The following ADAMTSL3 variants were observed in gnomAD, a reference collection of about 807,000 sequenced individuals.
ADAMTSL3 encodes ADAMTS-like protein 3.
Under a neutral mutation model 201.7 loss-of-function variants are expected in ADAMTSL3, and 128 were observed. The observed-to-expected ratio is 0.63, with a 90% CI of 0.55 to 0.73. The LOEUF (loss-of-function observed/expected upper bound fraction) is 0.73. ADAMTSL3 is among the 30% of genes least tolerant of loss of function. The pLI is 0.00. For synonymous variants in ADAMTSL3, 738 were observed against 748.4 expected (o/e 0.99, Z 0.23); for missense variants, 1,990 against 2,119.6 (o/e 0.94, Z 1.20).
chr15:83,716,266 G>T (rs930216582), intron 3 of ADAMTSL3, among the ~76,000 whole-genome samples: 4 of 152,150 alleles, frequency 2.6e-5, no homozygotes, highest in Admixed American at 1.3e-4. Flanking sequence ...ACTTTGGGAG[G>T]CCAAGGTGGG....
intron 6 of ADAMTSL3, among the ~76,000 whole-genome samples, chr15:83,821,219 C>G (rs1442531283): frequency 1.3e-5 from 2 of 151,348 alleles, no homozygotes; most frequent in Non-Finnish European, 2.9e-5. Context: ...TTATTCTTTC[C>G]TTTCACTTAC....
intron 9 of ADAMTSL3, among the ~76,000 whole-genome samples, chr15:83,876,204 C>T (rs1254065554): frequency 6.6e-6 from 1 of 152,136 alleles, no homozygotes; most frequent in East Asian, 1.9e-4. Context: ...AACAATGTCT[C>T]TTTCATTCCT....
At chr15:84,025,088 G>C (rs2068277444) in intron 26 of ADAMTSL3, 150 bp from the exon 27 acceptor site, 1 of 579,348 alleles carries the variant, frequency 1.7e-6, no homozygotes, top group Admixed American at 3.5e-5. Flanking sequence ...AAAAGGCTGG[G>C]AGTCATCTGT....
intron 3 of ADAMTSL3, among the ~76,000 whole-genome samples, chr15:83,750,275 A>T (rs1207863165): frequency 6.6e-6 from 1 of 152,228 alleles, no homozygotes; most frequent in African/African-American, 2.4e-5. Flanking sequence ...TTGCACAGGG[A>T]TGGATTGTCT....
chr15:83,655,920 A>AT, intron 2 of ADAMTSL3, 90 bp downstream of exon 2: 1 of 1,303,702 alleles, frequency 7.7e-7, no homozygotes, highest in Non-Finnish European at 1.1e-6. Flanking sequence ...ATGTGGCATG[A>AT]TTAGTGTTAA....
At chr15:83,779,030 A>C (rs1482136045) in intron 4 of ADAMTSL3, among the ~76,000 whole-genome samples, 1 of 152,220 alleles carries the variant, frequency 6.6e-6, no homozygotes, top group Non-Finnish European at 1.5e-5. Context: ...GGTATTACTT[A>C]ATGGTAAAGG....
At chr15:83,985,101 T>C (rs1157210483) in intron 21 of ADAMTSL3, among the ~76,000 whole-genome samples, 3 of 152,188 alleles carry the variant, frequency 2.0e-5, no homozygotes, top group African/African-American at 7.2e-5. Flanking sequence ...CCATACAAGA[T>C]TTTTTAACAC....
At chr15:83,998,320 A>C (rs569382647) in intron 23 of ADAMTSL3, among the ~76,000 whole-genome samples, 179 of 152,242 alleles carry the variant, frequency 1.2e-3, no homozygotes, top group Admixed American at 2.1e-3. Flanking sequence ...ATAGTGGTGC[A>C]TGCCTGTAAT....
At chr15:83,786,209 T>C (rs1028088204) in intron 4 of ADAMTSL3, among the ~76,000 whole-genome samples, 5 of 152,164 alleles carry the variant, frequency 3.3e-5, no homozygotes, top group Non-Finnish European at 1.5e-5. Flanking sequence ...ATTCCTGACC[T>C]CAAGTGATCC....
intron 2 of ADAMTSL3, among the ~76,000 whole-genome samples, chr15:83,691,906 G>T (rs565567218): frequency 2.6e-5 from 4 of 152,262 alleles, no homozygotes; most frequent in African/African-American, 7.2e-5. Flanking sequence ...GAACCACGGC[G>T]CCCAGCGTCC....
intron 3 of ADAMTSL3, among the ~76,000 whole-genome samples, chr15:83,741,470 A>C (rs1363017075): frequency 6.6e-6 from 1 of 152,114 alleles, no homozygotes; most frequent in Non-Finnish European, 1.5e-5. Flanking sequence ...TGAGGACTAT[A>C]AGGAAAAAGT....
At chr15:83,897,429 T>G (rs1030920994) in intron 13 of ADAMTSL3, among the ~76,000 whole-genome samples, 1 of 152,096 alleles carries the variant, frequency 6.6e-6, no homozygotes, top group Admixed American at 6.6e-5. Context: ...AATAGAAAAA[T>G]AATCCTCTGG....
In ADAMTSL3 at chr15:83,804,636, CT is replaced by C. The variant is rs2063575716; in HGVS notation, c.318-8del. ...AATCATTATTTCTTCTTTCTTCTTTCTTTTTTCCTTTAGGAATTGTGAAGGG... is the reference window on the plus strand; with the variant it reads ...AATCATTATTTCTTCTTTCTTCTTTCTTTTTCCTTTAGGAATTGTGAAGGG... On this transcript the variant is annotated splice_polypyrimidine_tract_variant and intron_variant, in intron 4 of 29. Coordinates refer to ENST00000286744, the MANE Select transcript of ADAMTSL3 (RefSeq NM_207517.3). 1.7e-6 allele frequency: 2 copies of C among 1,154,108 alleles called. No individual in the cohort carries two copies. The highest frequency in any genetic ancestry group is 2.3e-6 in the Non-Finnish European group (2 of 866,394). The allele number at this position is 1,154,108 out of a possible 1,614,324, so 71.5% of individuals were successfully genotyped here. A position where few individuals can be genotyped will look rare whatever the true frequency, so the allele number is the denominator to read the frequency against.
chr15:83,811,848 A>C (rs1014301470), intron 5 of ADAMTSL3, among the ~76,000 whole-genome samples: 6 of 152,194 alleles, frequency 3.9e-5, no homozygotes, highest in Admixed American at 3.9e-4. Flanking sequence ...AAAATTCCTT[A>C]TTTGTAAAAT....
chr15:83,873,842 G>C lies in ADAMTSL3; in HGVS notation c.960+2883G>C, dbSNP rs2065127042. 1.4e-5 allele frequency among the ~76,000 whole-genome samples: 2 copies of C among 146,010 alleles called. 1 individual carries two copies. The highest frequency in any genetic ancestry group is 4.2e-4 in the South Asian group (2 of 4,724). On this transcript the variant is annotated intron_variant, in intron 9 of 29. Transcript: ENST00000286744. ...TTGACAGCAGTGGTATGGCAGGTGA[G>C]TGATTAGCAGGAGTGCAAGAGAAAG...
At position 84,031,402 on chromosome 15, in the gene ADAMTSL3, G is replaced by C; in HGVS notation, c.4724G>C (p.Ser1575Thr). 6.2e-7 allele frequency: 1 copy of C among 1,614,114 alleles called. No individual in the cohort carries two copies. The highest frequency in any genetic ancestry group is 8.5e-7 in the Non-Finnish European group (1 of 1,180,016). The change falls in exon 28 of 30, where the codon AGC becomes ACC. Residue 1575 changes from serine to threonine, a missense_variant. Physicochemically the swap from Ser to Thr is moderately conservative, Grantham distance 58. Transcript: ENST00000286744. ...QQRHTACQHN[S>T]SDSNCDDRKR... ...CGTCACACAGCTTGTCAACACAACA[G>C]CTCTGACTCCAACTGTGATGACAGA...
intron 2 of ADAMTSL3, among the ~76,000 whole-genome samples, chr15:83,704,060 T>C (rs1445038753): frequency 6.6e-6 from 1 of 151,048 alleles, no homozygotes; most frequent in African/African-American, 2.4e-5. Context: ...AACAATAGAT[T>C]TGCAACAACA....
At chr15:83,978,029 C>T (rs2067316479) in intron 20 of ADAMTSL3, among the ~76,000 whole-genome samples, 1 of 152,222 alleles carries the variant, frequency 6.6e-6, no homozygotes. Flanking sequence ...ACCAGCCCAG[C>T]AGCCATATTC....
intron 3 of ADAMTSL3, among the ~76,000 whole-genome samples, chr15:83,757,018 C>G (rs2062732624): frequency 1.3e-5 from 2 of 152,208 alleles, no homozygotes; most frequent in South Asian, 4.1e-4. Flanking sequence ...GGTATAGCCC[C>G]TCTCCTGGCT....
Sources: allele counts gnomAD v4.1 joint callset (sites outside exome capture counted in the v4.1 genomes callset), GRCh38; gene constraint gnomAD v4.1.1; transcripts MANE v1.5; gene names NCBI Gene and HGNC (gene_info 2026-07-23, HGNC 2026-07-21).